The following PLCB1 variants were observed in gnomAD, a reference collection of about 807,000 sequenced individuals.
The protein encoded by PLCB1 is 1-phosphatidylinositol 4,5-bisphosphate phosphodiesterase beta-1.
In PLCB1, 46 loss-of-function variants were observed where a neutral mutation model predicts 161.8. The observed-to-expected ratio is 0.28, with a 90% CI of 0.22 to 0.36. The LOEUF is 0.36. PLCB1 is among the 10% of genes least tolerant of loss of function. PLCB1 has a pLI of 1.00. For synonymous variants in PLCB1, 517 were observed against 503.7 expected (o/e 1.03, Z -0.35); for missense variants, 1,016 against 1,472.5 (o/e 0.69, Z 5.07).
At chr20:8,837,492 T>C (rs1986333257) in intron 31 of PLCB1, among the ~76,000 whole-genome samples, 1 of 152,238 alleles carries the variant, frequency 6.6e-6, no homozygotes, top group African/African-American at 2.4e-5. Flanking sequence ...ATTTTGCAGC[T>C]CAGGCATTTG....
At chr20:8,614,702 ATTAAT>A (rs1988001283) in intron 3 of PLCB1, among the ~76,000 whole-genome samples, 1 of 151,824 alleles carries the variant, frequency 6.6e-6, no homozygotes, top group Non-Finnish European at 1.5e-5. Flanking sequence ...TTAAATCTGA[ATTAAT>A]TTAATTTCAA....
At chr20:8,493,894 C>T (rs6140625) in intron 3 of PLCB1, among the ~76,000 whole-genome samples, 74 of 107,970 alleles carry the variant, frequency 6.9e-4, no homozygotes, top group African/African-American at 2.5e-3. Flanking sequence ...CAGGTAGTAG[C>T]CCTTACCTTG....
chr20:8,573,511 T>C (rs189791424), intron 3 of PLCB1, among the ~76,000 whole-genome samples: 1 of 152,330 alleles, frequency 6.6e-6, no homozygotes, highest in Non-Finnish European at 1.5e-5. Flanking sequence ...TTCATGAGTG[T>C]TTAGTATATA....
At chr20:8,673,090 C>T (rs532264898) in intron 9 of PLCB1, among the ~76,000 whole-genome samples, 32 of 150,960 alleles carry the variant, frequency 2.1e-4, no homozygotes, top group East Asian at 1.2e-3. Flanking sequence ...CCAGCCTGGG[C>T]GACAGAGCCA....
chr20:8,590,975 C>A (rs924000493), intron 3 of PLCB1, among the ~76,000 whole-genome samples: 29 of 152,106 alleles, frequency 1.9e-4, no homozygotes, highest in Non-Finnish European at 2.9e-5. Flanking sequence ...TCTCCCTCCC[C>A]CTCCCCGACC....
At chr20:8,378,347 A>G (rs893126505) in intron 3 of PLCB1, among the ~76,000 whole-genome samples, 1 of 152,188 alleles carries the variant, frequency 6.6e-6, no homozygotes, top group Non-Finnish European at 1.5e-5. Flanking sequence ...AACACAATAC[A>G]GTGAATATTG....
intron 2 of PLCB1, among the ~76,000 whole-genome samples, chr20:8,293,056 A>G (rs1234137641): frequency 6.6e-6 from 1 of 152,082 alleles, no homozygotes; most frequent in Admixed American, 6.6e-5. Flanking sequence ...TCACAGTGTG[A>G]TTTGATGTCA....
intron 2 of PLCB1, among the ~76,000 whole-genome samples, chr20:8,368,201 T>C (rs1228412642): frequency 6.6e-6 from 1 of 152,158 alleles, no homozygotes; most frequent in East Asian, 1.9e-4. Context: ...TTAAGTCTAT[T>C]GTTTCTTCAA....
At chr20:8,838,238 T>C (rs1046444764) in intron 31 of PLCB1, among the ~76,000 whole-genome samples, 8 of 152,194 alleles carry the variant, frequency 5.3e-5, no homozygotes, top group African/African-American at 1.9e-4. Flanking sequence ...ATTTATACTG[T>C]TCATCTTTCT....
intron 31 of PLCB1, among the ~76,000 whole-genome samples, chr20:8,832,950 T>C (rs1202771626): frequency 6.6e-6 from 1 of 152,214 alleles, no homozygotes; most frequent in African/African-American, 2.4e-5. Flanking sequence ...CAATCCAATT[T>C]CTTATCTCAC....
At position 8,767,056 on chromosome 20, in the gene PLCB1, CA is replaced by C. The variant is rs200885010; in HGVS notation, c.2930+1700del. Among the ~76,000 whole-genome samples, 926 of 152,266 alleles carry C rather than the reference CA, an allele frequency of 6.1e-3. 8 individuals carry two copies. The highest frequency in any genetic ancestry group is 0.021 in the African/African-American group (891 of 41,554). On this transcript the variant is annotated intron_variant, in intron 26 of 31. Transcript: ENST00000338037. ...AGAGAAGCCTGCTTGTATGTCTCTG[CA>C]ATTCCCAGGTGTCCTTTAGAGAATG...
At chr20:8,314,192 A>C (rs1346689574) in intron 2 of PLCB1, among the ~76,000 whole-genome samples, 1 of 152,142 alleles carries the variant, frequency 6.6e-6, no homozygotes, top group African/African-American at 2.4e-5. Flanking sequence ...ATAAAGAACA[A>C]CTCTAGCCAT....
intron 3 of PLCB1, among the ~76,000 whole-genome samples, chr20:8,523,482 CT>C (rs1984437720): frequency 5.1e-5 from 3 of 59,326 alleles, no homozygotes; most frequent in African/African-American, 9.3e-5. Flanking sequence ...CTCTCTCTCT[CT>C]CTCTCTCTCT....
chr20:8,361,633 A>C (rs537762443), intron 2 of PLCB1, among the ~76,000 whole-genome samples: 1 of 152,316 alleles, frequency 6.6e-6, no homozygotes, highest in South Asian at 2.1e-4. Flanking sequence ...TAAGTCCTAT[A>C]AGCAGATAAG....
intron 3 of PLCB1, among the ~76,000 whole-genome samples, chr20:8,459,294 T>C (rs1376050790): frequency 6.6e-6 from 1 of 152,216 alleles, no homozygotes; most frequent in Non-Finnish European, 1.5e-5. Flanking sequence ...AGCATGTTTT[T>C]TCAATCCTGT....
intron 2 of PLCB1, among the ~76,000 whole-genome samples, chr20:8,307,617 ATGT>A (rs1331972288): frequency 6.6e-6 from 1 of 151,960 alleles, no homozygotes; most frequent in Non-Finnish European, 1.5e-5. Context: ...ATCATTAATT[ATGT>A]TGTTAGTTAA....
chr20:8,203,227 T>C (rs1026837379), intron 2 of PLCB1, among the ~76,000 whole-genome samples: 6 of 151,706 alleles, frequency 4.0e-5, no homozygotes, highest in African/African-American at 1.2e-4. Context: ...GTCTGAACAA[T>C]AGGAACGTGG....
chr20:8,603,339 A>G (rs1987654702), intron 3 of PLCB1, among the ~76,000 whole-genome samples: 1 of 152,198 alleles, frequency 6.6e-6, no homozygotes, highest in Non-Finnish European at 1.5e-5. Context: ...AAGGTTGTCA[A>G]AGTGGCTCCC....
At chr20:8,150,619 A>C (rs930882047) in intron 2 of PLCB1, among the ~76,000 whole-genome samples, 13 of 152,184 alleles carry the variant, frequency 8.5e-5, no homozygotes, top group South Asian at 2.1e-4. Context: ...ATTATGTGTT[A>C]GGATAAGAAC....
Sources: gnomAD v4.1 joint callset for allele counts (sites outside exome capture counted in the v4.1 genomes callset) on GRCh38, gnomAD v4.1.1 for gene constraint, MANE v1.5 for transcripts, NCBI Gene and HGNC (gene_info 2026-07-23, HGNC 2026-07-21) for gene names.